Variants in HNF1A observed in about 807,000 individuals in gnomAD.
The protein encoded by HNF1A is HNF1 homeobox A.
In HNF1A, 21 loss-of-function variants were observed where a neutral mutation model predicts 62.2. The observed-to-expected ratio is 0.34, with a 90% CI of 0.24 to 0.49. HNF1A has a LOEUF of 0.49. Among genes scored for constraint, HNF1A ranks in the 20% least tolerant of loss-of-function variants. The pLI is 0.99. For missense variants in HNF1A, 687 were observed against 832.3 expected, an observed-to-expected ratio of 0.83 and a Z score of 2.15; for synonymous variants, 374 against 366.8, an observed-to-expected ratio of 1.02 and a Z score of -0.22.
At position 120,991,868 on chromosome 12, in the gene HNF1A, A is replaced by G. The variant is rs970898597; in HGVS notation, c.527-1652A>G. 1.1e-4 allele frequency among the ~76,000 whole-genome samples: 17 copies of G among 152,200 alleles called. 1 individual carries two copies. Among genetic ancestry groups the G allele is most frequent in the African/African-American group, 3.6e-4 (15 of 41,454 alleles). Reference sequence around the variant, plus strand: ...GAAATAGTGTTCTCCTAAAACCATCACTAGACGAAATTTTACAATATTCGA... The same window carrying G: ...GAAATAGTGTTCTCCTAAAACCATCGCTAGACGAAATTTTACAATATTCGA... On this transcript the variant is annotated intron_variant, in intron 2 of 9. Transcript: ENST00000257555.
chr12:120,989,516 T>A (rs1032147530), intron 2 of HNF1A, among the ~76,000 whole-genome samples: 3 of 152,038 alleles, frequency 2.0e-5, no homozygotes, highest in Non-Finnish European at 4.4e-5. Flanking sequence ...CACCTCAGCC[T>A]CCCAAAGTGC....
chr12:120,998,588 T>C lies in HNF1A; in HGVS notation c.1502-680T>C, dbSNP rs149282777. On this transcript the variant is annotated intron_variant, in intron 7 of 9. Coordinates refer to ENST00000257555, the MANE Select transcript of HNF1A (RefSeq NM_000545.8). Reference sequence around the variant, plus strand: ...CTGTGTGTACATGGTTGAGAGTGTATGCGTGTGTGTGTGTTACATTTTTAT... The same window carrying C: ...CTGTGTGTACATGGTTGAGAGTGTACGCGTGTGTGTGTGTTACATTTTTAT... 1.7e-3 allele frequency among the ~76,000 whole-genome samples: 257 copies of C among 152,274 alleles called. 5 individuals are homozygous for C. The East Asian group carries it at 0.022, about 13-fold the overall frequency.
rs574473281 is a variant in HNF1A at position 120,978,593 on chromosome 12, G to A, written c.-176G>A. ...GGGGCCCTGATTCACGGGCCGCTGG[G>A]GCCAGGGTTGGGGGTTGGGGGTGCC... is the stretch of plus-strand genomic sequence containing the variant. On this transcript the variant is annotated 5_prime_UTR_variant, in exon 1 of 10. Transcript: ENST00000257555. 1.5e-6 allele frequency: 1 copy of A among 674,116 alleles called. No homozygotes were observed. The highest frequency in any genetic ancestry group is 2.7e-6 in the Non-Finnish European group (1 of 374,640). The allele number at this position is 674,116 out of a possible 1,614,324, so 41.8% of individuals were successfully genotyped here. A position where few individuals can be genotyped will look rare whatever the true frequency, so the allele number is the denominator to read the frequency against.
chr12:120,989,249 G>C (rs774176128), intron 2 of HNF1A, among the ~76,000 whole-genome samples: 2 of 152,064 alleles, frequency 1.3e-5, no homozygotes, highest in Non-Finnish European at 2.9e-5. Context: ...TGAATGAAAT[G>C]GGTCCCTGCT....
At chr12:120,979,235 A>T in intron 1 of HNF1A, 141 bp downstream of exon 1, 1 of 792,290 alleles carries the variant, frequency 1.3e-6, no homozygotes. Context: ...AGGGCCCATG[A>T]GAGCCCAGGG....
chr12:120,999,638 C>A lies in HNF1A; in HGVS notation c.1768+11C>A. 6.2e-7 allele frequency: 1 copy of A among 1,605,660 alleles called. No homozygotes were observed. On this transcript the variant is annotated intron_variant, in intron 9 of 9. Coordinates refer to ENST00000257555, the MANE Select transcript of HNF1A (RefSeq NM_000545.8). The stretch of plus-strand genomic sequence containing the variant: ...GCGCCAGCCCCACAGGTGAGAGGCC[C>A]TGGCTCCACCCCCTCCCTTACTGTC...
At chr12:120,983,639 G>A (rs1940100095) in intron 1 of HNF1A, among the ~76,000 whole-genome samples, 1 of 151,360 alleles carries the variant, frequency 6.6e-6, no homozygotes, top group Non-Finnish European at 1.5e-5. Context: ...TCCGCCTCCC[G>A]GGTTCAAGTG....
In HNF1A at chr12:120,996,377, G is replaced by A. The variant is rs376279459; in HGVS notation, c.1071G>A (p.Glu357=). 15 of 1,614,136 alleles carry A rather than the reference G, an allele frequency of 9.3e-6. No homozygotes were observed. In the African/African-American group the frequency reaches 1.6e-4, roughly 17 times the overall value. The change falls in exon 5 of 10, where the codon GAG becomes GAA. Residue 357 remains glutamate, a synonymous_variant. Coordinates refer to ENST00000257555, the MANE Select transcript of HNF1A (RefSeq NM_000545.8). This position sits in a 1 kb window ranked among gnomAD's most constrained non-coding sequence, Gnocchi z 4.5. The part of the protein sequence containing the change: ...PLHQVSPTGL[E]PSHSLLSTEA... The stretch of plus-strand genomic sequence containing the variant: ...ACCAAGTGTCCCCCACGGGCCTGGA[G>A]CCCAGCCACAGCCTGCTGAGTACAG...
In HNF1A at chr12:121,002,465, G is replaced by A; in HGVS notation, c.*1273G>A. 1 of 525,556 alleles carries A rather than the reference G, an allele frequency of 1.9e-6. No homozygotes were observed. The highest frequency in any genetic ancestry group is 3.7e-6 in the Non-Finnish European group (1 of 269,770). The allele number at this position is 525,556 out of a possible 1,614,324, so 32.6% of individuals were successfully genotyped here. A position where few individuals can be genotyped will look rare whatever the true frequency, so the allele number is the denominator to read the frequency against. On this transcript the variant is annotated 3_prime_UTR_variant, in exon 10 of 10. Coordinates refer to ENST00000257555, the MANE Select transcript of HNF1A (RefSeq NM_000545.8). ...AGCTTGTAGCCAGCCGGGGCGAGTG[G>A]CACGTTTATTTAACTTTTAGTAAAG...
chr12:120,995,868 C>T (rs1289064564), intron 4 of HNF1A, among the ~76,000 whole-genome samples: 2 of 152,240 alleles, frequency 1.3e-5, no homozygotes, highest in East Asian at 3.8e-4. Context: ...CACTCCACTT[C>T]ATATCATTCC....
At position 120,996,458 on chromosome 12, in the gene HNF1A, T is replaced by A. The variant is rs964182770; in HGVS notation, c.1107+45T>A. 1 of 1,613,924 alleles carries A rather than the reference T, an allele frequency of 6.2e-7. No homozygotes were observed. ...AGGAAAACCCAACCTCATCTTTCCT[T>A]GGCAGGGAGATTCTGGAGCAGTCCC... On this transcript the variant is annotated intron_variant, in intron 5 of 9. Coordinates refer to ENST00000257555, the MANE Select transcript of HNF1A (RefSeq NM_000545.8). This position sits in a 1 kb window ranked among gnomAD's most constrained non-coding sequence, Gnocchi z 4.5.
rs55919842 is a variant in HNF1A at position 120,997,733 on chromosome 12, A to G, written c.1501+68A>G. On this transcript the variant is annotated intron_variant, in intron 7 of 9. Coordinates refer to ENST00000257555, the MANE Select transcript of HNF1A (RefSeq NM_000545.8). ...GTTGGCTGTCAATGGATGCAGGGGA[A>G]AGGGGTGCCTGGCAGGCATTGCAGT... is the stretch of plus-strand genomic sequence containing the variant. 44,902 of 1,490,902 alleles carry G rather than the reference A, an allele frequency of 0.03. 803 individuals carry two copies. The highest frequency in any genetic ancestry group is 0.034 in the Non-Finnish European group (37,464 of 1,089,560). The allele number at this position is 1,490,902 out of a possible 1,614,324, so 92.4% of individuals were successfully genotyped here. A position where few individuals can be genotyped will look rare whatever the true frequency, so the allele number is the denominator to read the frequency against.
In HNF1A at chr12:121,001,318, CT is replaced by C; in HGVS notation, c.*127del. 2 of 1,166,034 alleles carry C rather than the reference CT, an allele frequency of 1.7e-6. No homozygotes were observed. The allele number at this position is 1,166,034 out of a possible 1,614,324, so 72.2% of individuals were successfully genotyped here. A position where few individuals can be genotyped will look rare whatever the true frequency, so the allele number is the denominator to read the frequency against. ...GCCCTTCCTGGACAGCTGTGCCTCG[CT>C]CCCCACTCTGCTCTGATGCATCAGA... On this transcript the variant is annotated 3_prime_UTR_variant, in exon 10 of 10. Transcript: ENST00000257555.
chr12:120,992,118 A>G (rs1876871941), intron 2 of HNF1A, among the ~76,000 whole-genome samples: 1 of 152,230 alleles, frequency 6.6e-6, no homozygotes, highest in East Asian at 1.9e-4. Flanking sequence ...ATTTAAACAG[A>G]AAAGGGAATG....
Position 120,996,695 on chromosome 12 carries a change from C to G in HNF1A, c.1262C>G (p.Ser421Cys), listed in dbSNP as rs1451365912. ...VMTIGPGEPA[S>C]LGPTFTNTGA... ...ACCATCGGGCCTGGTGAGCCTGCCT[C>G]CCTGGGTCCTACGTTCACCAACACA... Residue 421 changes from serine to cysteine, a missense_variant, in exon 6 of 10, where the codon TCC becomes TGC. Ser to Cys is a moderately radical substitution (Grantham distance 112). Transcript: ENST00000257555. The surrounding 1 kb of genome is among the most constrained non-coding windows in gnomAD (Gnocchi z 4.5). 5 of 1,614,112 alleles carry G rather than the reference C, an allele frequency of 3.1e-6. No individual in the cohort carries two copies. The highest frequency in any genetic ancestry group is 3.4e-6 in the Non-Finnish European group (4 of 1,180,014).
At chr12:120,987,474 C>CAAAAAAAAAA (rs59729082) in intron 1 of HNF1A, among the ~76,000 whole-genome samples, 2 of 62,308 alleles carry the variant, frequency 3.2e-5, no homozygotes, top group African/African-American at 5.3e-5. Flanking sequence ...GACTCCATCT[C>CAAAAAAAAAA]AAAAAAAAAA....
At position 120,978,945 on chromosome 12, in the gene HNF1A, G is replaced by A. The variant is rs747247486; in HGVS notation, c.177G>A (p.Glu59=). Residue 59 remains glutamate, a synonymous_variant, in exon 1 of 10, where the codon GAG becomes GAA. Transcript: ENST00000257555. The part of the protein sequence containing the change: ...SCGGGRGELA[E]LPNGLGETRG... ...GCGGCGGTCGAGGGGAGCTGGCTGA[G>A]CTGCCCAATGGGCTGGGGGAGACTC... 3.1e-6 allele frequency: 5 copies of A among 1,609,602 alleles called. No homozygotes were observed. The highest frequency in any genetic ancestry group is 4.2e-6 in the Non-Finnish European group (5 of 1,178,064).
intron 1 of HNF1A, among the ~76,000 whole-genome samples, chr12:120,982,067 TG>T (rs1565881182): frequency 6.6e-6 from 1 of 151,624 alleles, no homozygotes; most frequent in African/African-American, 2.4e-5. Context: ...GTTTCTTTTT[TG>T]TTGTTGTTGT....
rs1876562250 is a variant in HNF1A, at chr12:120,987,349, C to T, written c.327-1484C>T. Among the ~76,000 whole-genome samples the T allele has an allele frequency of 2.0e-5, 3 of 151,800 alleles. No individual in the cohort carries two copies. In the South Asian group the frequency reaches 6.3e-4, roughly 32 times the overall value. On this transcript the variant is annotated intron_variant, in intron 1 of 9. Coordinates refer to ENST00000257555, the MANE Select transcript of HNF1A (RefSeq NM_000545.8). ...AATTAGCCGGGCGTGGTGGCGGGTG[C>T]CTGTAGGCCCAGCTACTTGGGAGGC...
Sources: allele counts gnomAD v4.1 joint callset (sites outside exome capture counted in the v4.1 genomes callset), GRCh38; gene constraint gnomAD v4.1.1; non-coding constraint Gnocchi (gnomAD v3.1); transcripts MANE v1.5; gene names NCBI Gene and HGNC (gene_info 2026-07-23, HGNC 2026-07-21).